AMD1: variants seen among roughly 807,000 people sequenced by gnomAD.
AMD1 encodes adenosylmethionine decarboxylase 1.
Under a neutral mutation model 40.2 loss-of-function variants are expected in AMD1, and 11 were observed. That is an observed-to-expected ratio of 0.27 (90% CI 0.17 to 0.45). AMD1 has a LOEUF of 0.45. Ranked by LOEUF, AMD1 falls within the 20% of genes least tolerant of loss-of-function variation. The pLI is 1.00. For missense variants in AMD1, 257 were observed against 410.2 expected (o/e 0.63, Z 3.23); for synonymous variants, 121 against 130.8 (o/e 0.93, Z 0.51).
chr6:110,880,955 T>C (rs1432398420), intron 1 of AMD1, among the ~76,000 whole-genome samples: 1 of 152,200 alleles, frequency 6.6e-6, no homozygotes, highest in Non-Finnish European at 1.5e-5. Flanking sequence ...TCAGGCGACA[T>C]AGAGAAGTCT....
intron 2 of AMD1, 76 bp downstream of exon 2, chr6:110,887,667 G>T: frequency 9.3e-7 from 1 of 1,077,438 alleles, no homozygotes; most frequent in Non-Finnish European, 1.3e-6. Context: ...GTTCCTCTCA[G>T]TTGTAGTTCT....
At chr6:110,842,373 G>A in the AMD1 span, among the ~76,000 whole-genome samples, 1 of 152,156 alleles carries the variant, frequency 6.6e-6, no homozygotes, top group Non-Finnish European at 1.5e-5. Flanking sequence ...GGAGAAAAAG[G>A]CAGCAGGCTT....
chr6:110,824,611 A>G, the AMD1 span, among the ~76,000 whole-genome samples: 3 of 152,220 alleles, frequency 2.0e-5, no homozygotes, highest in African/African-American at 7.2e-5. Flanking sequence ...TTATTTAATG[A>G]AACCAAATTA....
chr6:110,858,406 C>T, the AMD1 span: 4 of 870,930 alleles, frequency 4.6e-6, no homozygotes, highest in South Asian at 2.6e-5. Flanking sequence ...GCCTGAAGGA[C>T]GGGATTAGTT....
chr6:110,872,491 T>C (rs147365979), upstream of AMD1, among the ~76,000 whole-genome samples: 218 of 152,348 alleles, frequency 1.4e-3, no homozygotes, highest in African/African-American at 5.1e-3. Flanking sequence ...GGGGGAAAGA[T>C]GGTCACTCTT....
the AMD1 span, among the ~76,000 whole-genome samples, chr6:110,849,654 AAAAC>A: frequency 9.9e-5 from 15 of 152,274 alleles, no homozygotes; most frequent in South Asian, 4.1e-4. Flanking sequence ...CACTGTTTCT[AAAAC>A]AAACAAACAA....
the AMD1 span, chr6:110,848,589 A>G: frequency 3.9e-6 from 2 of 512,468 alleles, no homozygotes; most frequent in Non-Finnish European, 3.1e-6. Flanking sequence ...CAAAGACTTT[A>G]GGAAAGGTGC....
At chr6:110,832,426 C>T in the AMD1 span, among the ~76,000 whole-genome samples, 1 of 152,094 alleles carries the variant, frequency 6.6e-6, no homozygotes, top group Middle Eastern at 3.2e-3. Context: ...GCTGAGATAA[C>T]AGGCATGAGC....
At chr6:110,860,386 C>T in the AMD1 span, among the ~76,000 whole-genome samples, 2 of 152,070 alleles carry the variant, frequency 1.3e-5, no homozygotes, top group Non-Finnish European at 2.9e-5. Flanking sequence ...CCAATTATTC[C>T]AGCTTTTATC....
intron 1 of AMD1, among the ~76,000 whole-genome samples, chr6:110,877,603 G>A (rs1469136153): frequency 6.6e-6 from 1 of 152,266 alleles, no homozygotes; most frequent in African/African-American, 2.4e-5. Context: ...GCATTTAATA[G>A]CTGTGTGAGC....
At chr6:110,878,784 G>A (rs958957771) in intron 1 of AMD1, among the ~76,000 whole-genome samples, 1 of 152,096 alleles carries the variant, frequency 6.6e-6, no homozygotes, top group African/African-American at 2.4e-5. Context: ...GATTTTTCAG[G>A]ACTGGAAATC....
the AMD1 span, among the ~76,000 whole-genome samples, chr6:110,847,283 T>C: frequency 6.6e-6 from 1 of 152,096 alleles, no homozygotes; most frequent in Non-Finnish European, 1.5e-5. Flanking sequence ...CCCAGCACTT[T>C]GGGAGGCCGA....
At chr6:110,840,672 T>C in the AMD1 span, among the ~76,000 whole-genome samples, 5 of 149,318 alleles carry the variant, frequency 3.3e-5, no homozygotes, top group African/African-American at 1.2e-4. Context: ...AAATTCATGA[T>C]GTCAGTATTC....
At chr6:110,875,348 C>A in intron 1 of AMD1, 133 bp downstream of exon 1, 1 of 764,506 alleles carries the variant, frequency 1.3e-6, no homozygotes, top group South Asian at 1.7e-5. Context: ...GTCGCTTCGG[C>A]GGCCTTGGAA....
At chr6:110,814,779 C>A in the AMD1 span, 1 of 671,356 alleles carries the variant, frequency 1.5e-6, no homozygotes, top group Non-Finnish European at 2.7e-6. Context: ...GGGACGGGAC[C>A]GACGCCTCGG....
chr6:110,888,819 T>G, intron 2 of AMD1, 38 bp from the exon 3 acceptor site: 2 of 1,596,492 alleles, frequency 1.3e-6, no homozygotes, highest in Non-Finnish European at 1.7e-6. Flanking sequence ...AGTAGTACAT[T>G]AGTATTGTTA....
At chr6:110,853,237 G>T in the AMD1 span, among the ~76,000 whole-genome samples, 1 of 151,036 alleles carries the variant, frequency 6.6e-6, no homozygotes, top group African/African-American at 2.4e-5. Flanking sequence ...ATTCTCCTGC[G>T]TCAGCCTCCT....
At chr6:110,849,896 GTAGT>G in the AMD1 span, among the ~76,000 whole-genome samples, 1 of 151,974 alleles carries the variant, frequency 6.6e-6, no homozygotes, top group Admixed American at 6.6e-5. Flanking sequence ...TGGTGCACCT[GTAGT>G]CCCAGCTACT....
At chr6:110,842,678 G>A in the AMD1 span, among the ~76,000 whole-genome samples, 1 of 152,142 alleles carries the variant, frequency 6.6e-6, no homozygotes, top group Non-Finnish European at 1.5e-5. Flanking sequence ...AGTTTTTAAT[G>A]TCTATGTGGT....
Sources: allele counts gnomAD v4.1 joint callset (sites outside exome capture counted in the v4.1 genomes callset), GRCh38; gene constraint gnomAD v4.1.1; transcripts MANE v1.5; gene names NCBI Gene and HGNC (gene_info 2026-07-23, HGNC 2026-07-21).